Variants in CLVS1 observed in about 807,000 individuals in gnomAD.
CLVS1 encodes the protein clavesin 1.
CLVS1 carries 10 observed loss-of-function variants against 33.1 expected under a neutral mutation model. The observed-to-expected ratio is 0.30, with a 90% CI of 0.19 to 0.51. CLVS1 has a LOEUF of 0.51. Ranked by LOEUF, CLVS1 falls within the 20% of genes least tolerant of loss-of-function variation. CLVS1 has a pLI of 0.97. For missense variants in CLVS1, 343 were observed against 433.4 expected (o/e 0.79, Z 1.85); for synonymous variants, 163 against 166.1 (o/e 0.98, Z 0.14).
intron 1 of CLVS1, chr8:61,090,820 G>T (rs1805229969): frequency 1.9e-6 from 1 of 514,154 alleles, no homozygotes; most frequent in Non-Finnish European, 3.9e-6. Flanking sequence ...AGATTCATCT[G>T]TACCCGATTT....
At position 61,376,601 on chromosome 8, in the gene CLVS1, G is replaced by A. The variant is rs751495088; in HGVS notation, c.456-4G>A. ...CACAGCTCTCCTTTCTGCTCTGGCT[G>A]CAGGAACTCCTTCACAGACATCCTT... is the stretch of plus-strand genomic sequence containing the variant. On this transcript the variant is annotated splice_polypyrimidine_tract_variant and splice_region_variant and intron_variant, in intron 2 of 5. Transcript: ENST00000325897. The A allele has an allele frequency of 3.1e-6, 5 of 1,612,620 alleles. No individual in the cohort carries two copies. The South Asian group carries it at 5.5e-5, about 18-fold the overall frequency.
intron 5 of CLVS1, among the ~76,000 whole-genome samples, chr8:61,473,882 C>T (rs972945943): frequency 5.3e-5 from 8 of 152,066 alleles, no homozygotes; most frequent in Admixed American, 2.0e-4. Context: ...ATTGTGAATT[C>T]AGTGTTGGAC....
At chr8:61,420,534 G>A (rs7003802) in intron 3 of CLVS1, among the ~76,000 whole-genome samples, 3,659 of 151,300 alleles carry the variant, frequency 0.024, 160 homozygotes, top group African/African-American at 0.084. Context: ...CCCGGGAGGC[G>A]GAGGTTGCAG....
chr8:61,226,720 C>T (rs1808337818), intron 2 of CLVS1, among the ~76,000 whole-genome samples: 1 of 152,154 alleles, frequency 6.6e-6, no homozygotes, highest in South Asian at 2.1e-4. Context: ...GTTCACTGGC[C>T]TCAGCTTCTT....
intron 3 of CLVS1, among the ~76,000 whole-genome samples, chr8:61,438,583 A>G (rs1323609883): frequency 6.6e-6 from 1 of 152,158 alleles, no homozygotes. Context: ...TTCTGGTTCT[A>G]AATCTTTGAG....
the CLVS1 span, among the ~76,000 whole-genome samples, chr8:61,010,946 G>A: frequency 6.6e-6 from 1 of 152,210 alleles, no homozygotes; most frequent in Non-Finnish European, 1.5e-5. Flanking sequence ...GCAGGGCCCG[G>A]CACACGTTAG....
At chr8:61,406,917 A>G (rs1257517293) in intron 3 of CLVS1, among the ~76,000 whole-genome samples, 1 of 152,154 alleles carries the variant, frequency 6.6e-6, no homozygotes, top group Non-Finnish European at 1.5e-5. Flanking sequence ...CCGACATAAA[A>G]TTCTTTCTAG....
At chr8:61,198,002 C>T (rs1228596597) in intron 2 of CLVS1, among the ~76,000 whole-genome samples, 2 of 152,182 alleles carry the variant, frequency 1.3e-5, no homozygotes, top group Non-Finnish European at 2.9e-5. Context: ...TCCTCAATGC[C>T]TCTTTCCATG....
chr8:61,402,545 C>T (rs1002275533), intron 3 of CLVS1, among the ~76,000 whole-genome samples: 5 of 152,116 alleles, frequency 3.3e-5, no homozygotes, highest in South Asian at 4.1e-4. Context: ...CGTACACACA[C>T]GATTCAATGA....
In CLVS1 at chr8:61,430,889, A is replaced by C. The variant is rs73685015; in HGVS notation, c.631-23252A>C. ...TCTTATTTTCTTCTAGCAAGAAATC[A>C]GTGGGCTTCTCTTTCAGGACATGAA... is the stretch of plus-strand genomic sequence containing the variant. On this transcript the variant is annotated intron_variant, in intron 3 of 5. Transcript: ENST00000325897. Among the ~76,000 whole-genome samples, 1,394 of 152,294 alleles carry C rather than the reference A, an allele frequency of 9.2e-3. 26 individuals carry two copies. Among genetic ancestry groups the C allele is most frequent in the African/African-American group, 0.032 (1,329 of 41,566 alleles).
At chr8:61,205,674 G>A (rs2129306058) in intron 2 of CLVS1, among the ~76,000 whole-genome samples, 1 of 152,062 alleles carries the variant, frequency 6.6e-6, no homozygotes, top group Non-Finnish European at 1.5e-5. Context: ...AATTTTTTGA[G>A]CAACCACCAT....
chr8:61,026,311 A>G, the CLVS1 span, among the ~76,000 whole-genome samples: 1 of 152,162 alleles, frequency 6.6e-6, no homozygotes, highest in East Asian at 1.9e-4. Flanking sequence ...CACAGTTCTC[A>G]AGAGGAACCA....
intron 2 of CLVS1, among the ~76,000 whole-genome samples, chr8:61,282,595 C>T (rs1285068828): frequency 6.6e-6 from 1 of 152,162 alleles, no homozygotes; most frequent in African/African-American, 2.4e-5. Context: ...GTCAGTTTTC[C>T]TGGAAAAATG....
rs528493975 is a variant in CLVS1 at position 61,338,815 on chromosome 8, C to CG, written c.456-37786dup. Among the ~76,000 whole-genome samples, 34 of 152,242 alleles carry CG rather than the reference C, an allele frequency of 2.2e-4. 2 individuals carry two copies. In the South Asian group the frequency reaches 6.6e-3, roughly 30 times the overall value. On this transcript the variant is annotated intron_variant, in intron 2 of 5. Coordinates refer to ENST00000325897, the MANE Select transcript of CLVS1 (RefSeq NM_173519.3). ...TGGCTCAGCTGTCACACCTCTGCCC[C>CG]GGGGAGGCTCTTCCTCTCAGCCTCT...
chr8:61,492,589 A>G (rs1804132277), intron 5 of CLVS1, among the ~76,000 whole-genome samples: 1 of 152,322 alleles, frequency 6.6e-6, no homozygotes, highest in Non-Finnish European at 1.5e-5. Flanking sequence ...ATTTTGGTAG[A>G]AATACATGAT....
intron 3 of CLVS1, among the ~76,000 whole-genome samples, chr8:61,402,626 G>A (rs539368821): frequency 6.6e-5 from 10 of 152,288 alleles, no homozygotes; most frequent in South Asian, 2.1e-4. Context: ...GGAGTGACTC[G>A]TTTGTTAACA....
intron 2 of CLVS1, among the ~76,000 whole-genome samples, chr8:61,235,176 T>G (rs2129313001): frequency 1.3e-5 from 2 of 152,106 alleles, no homozygotes; most frequent in South Asian, 4.2e-4. Context: ...GATTGTGGAG[T>G]AAAGACTTCA....
chr8:61,391,687 T>C (rs1278778714), intron 3 of CLVS1, among the ~76,000 whole-genome samples: 1 of 152,180 alleles, frequency 6.6e-6, no homozygotes, highest in Non-Finnish European at 1.5e-5. Context: ...AATGCCCTAA[T>C]CTGTAGACTC....
At position 61,412,390 on chromosome 8, in the gene CLVS1, G is replaced by T. The variant is rs115551313; in HGVS notation, c.630+35611G>T. ...AAAAAAACAAATGACCACATGTTGTGGGGGTCTCAGTGGAGACTTTGGGAG... is the reference window on the plus strand; with the variant it reads ...AAAAAAACAAATGACCACATGTTGTTGGGGTCTCAGTGGAGACTTTGGGAG... On this transcript the variant is annotated intron_variant, in intron 3 of 5. Coordinates refer to ENST00000325897, the MANE Select transcript of CLVS1 (RefSeq NM_173519.3). 7.9e-3 allele frequency among the ~76,000 whole-genome samples: 1,209 copies of T among 152,272 alleles called. 19 individuals carry two copies. The highest frequency in any genetic ancestry group is 0.027 in the African/African-American group (1,109 of 41,552).
Sources: allele counts gnomAD v4.1 joint callset (sites outside exome capture counted in the v4.1 genomes callset), GRCh38; gene constraint gnomAD v4.1.1; transcripts MANE v1.5; gene names NCBI Gene and HGNC (gene_info 2026-07-23, HGNC 2026-07-21).